SPATA17: variants seen among roughly 807,000 people sequenced by gnomAD.
SPATA17 encodes the protein spermatogenesis associated 17.
SPATA17 carries 53 observed loss-of-function variants against 62.2 expected under a neutral mutation model. That is an observed-to-expected ratio of 0.85 (90% CI 0.68 to 1.07). The LOEUF is 1.07. SPATA17 is among the 50% of genes least tolerant of loss of function. SPATA17 has a pLI of 0.00. For synonymous variants in SPATA17, 146 were observed against 146.8 expected (o/e 0.99, Z 0.04); for missense variants, 466 against 425.5 (o/e 1.10, Z -0.84).
At chr1:217,747,375 G>A (rs78506534) in intron 6 of SPATA17, among the ~76,000 whole-genome samples, 4,337 of 152,070 alleles carry the variant, frequency 0.029, 196 homozygotes, top group African/African-American at 0.095. Context: ...ACCTACTGGT[G>A]GATATATGCA....
chr1:217,712,148 C>T (rs141376399), intron 5 of SPATA17, among the ~76,000 whole-genome samples: 844 of 71,480 alleles, frequency 0.012, 13 homozygotes, highest in African/African-American at 0.045. Flanking sequence ...TTTTTTTTTA[C>T]GGAGTTTCGC....
intron 8 of SPATA17, among the ~76,000 whole-genome samples, chr1:217,800,980 TA>T (rs1674294899): frequency 6.6e-6 from 1 of 152,186 alleles, no homozygotes; most frequent in Non-Finnish European, 1.5e-5. Flanking sequence ...CTGTTGATCA[TA>T]AAAATATCTA....
chr1:217,796,400 G>A (rs961722574), intron 8 of SPATA17, among the ~76,000 whole-genome samples: 3 of 152,010 alleles, frequency 2.0e-5, no homozygotes, highest in Admixed American at 2.0e-4. Context: ...ATAAATCCAG[G>A]GAAATGTATT....
Position 217,669,160 on chromosome 1 carries a change from C to A in SPATA17, c.291+77C>A, listed in dbSNP as rs576978946. On this transcript the variant is annotated intron_variant, in intron 4 of 10. Transcript: ENST00000366933. ...TTCGCTTTTAATAAAATGAGCAAAG[C>A]AGAATAATGCAAATTTGATTGATAT... 22 of 1,243,578 alleles carry A rather than the reference C, an allele frequency of 1.8e-5. No homozygotes were observed. The East Asian group carries it at 4.7e-4, about 27-fold the overall frequency. 77.0% of individuals were successfully genotyped at this position (1,243,578 alleles called of 1,614,324 possible).
At chr1:217,801,399 A>C (rs1407396819) in intron 8 of SPATA17, among the ~76,000 whole-genome samples, 4 of 152,230 alleles carry the variant, frequency 2.6e-5, no homozygotes, top group Non-Finnish European at 5.9e-5. Flanking sequence ...ATTTTCATTT[A>C]TATGATGAAT....
chr1:217,700,016 G>C (rs554998966), intron 5 of SPATA17, among the ~76,000 whole-genome samples: 1 of 152,026 alleles, frequency 6.6e-6, no homozygotes. Context: ...TGTCCTTTTT[G>C]TCTATGTGTC....
At chr1:217,722,534 AGAC>A (rs1672157593) in intron 5 of SPATA17, among the ~76,000 whole-genome samples, 1 of 152,168 alleles carries the variant, frequency 6.6e-6, no homozygotes, top group Non-Finnish European at 1.5e-5. Flanking sequence ...AAATCATACC[AGAC>A]AAGCACTTTT....
intron 7 of SPATA17, among the ~76,000 whole-genome samples, chr1:217,779,808 G>A (rs1558047664): frequency 6.6e-6 from 1 of 151,900 alleles, no homozygotes; most frequent in African/African-American, 2.4e-5. Context: ...TTACTTGCCA[G>A]GTGAATTTTT....
chr1:217,798,026 C>T (rs915114884), intron 8 of SPATA17, among the ~76,000 whole-genome samples: 3 of 152,160 alleles, frequency 2.0e-5, no homozygotes, highest in Non-Finnish European at 2.9e-5. Flanking sequence ...GGAGGCTGCT[C>T]ATAGACTAAC....
At chr1:217,717,392 C>T (rs534686542) in intron 5 of SPATA17, among the ~76,000 whole-genome samples, 1 of 152,080 alleles carries the variant, frequency 6.6e-6, no homozygotes, top group Non-Finnish European at 1.5e-5. Flanking sequence ...GATGGATCAC[C>T]TGAGGTCAGG....
chr1:217,787,828 T>TGTGCAATTATATGTAACC (rs1463734271), intron 8 of SPATA17, among the ~76,000 whole-genome samples: 1 of 152,184 alleles, frequency 6.6e-6, no homozygotes, highest in East Asian at 1.9e-4. Context: ...TGTGCAATTA[T>TGTGCAATTATATGTAACC]ATGTATATTT....
At chr1:217,835,792 G>A (rs1052796276) in intron 9 of SPATA17, among the ~76,000 whole-genome samples, 3 of 152,050 alleles carry the variant, frequency 2.0e-5, no homozygotes, top group Non-Finnish European at 2.9e-5. Flanking sequence ...CACAAAATAT[G>A]CAACTTCTCC....
intron 9 of SPATA17, among the ~76,000 whole-genome samples, chr1:217,843,571 C>A (rs1675460195): frequency 6.6e-6 from 1 of 152,006 alleles, no homozygotes; most frequent in African/African-American, 2.4e-5. Flanking sequence ...TTCATTGTCC[C>A]TCAGTATCAG....
At chr1:217,704,229 C>CATTTTTT (rs1671677329) in intron 5 of SPATA17, among the ~76,000 whole-genome samples, 1 of 53,246 alleles carries the variant, frequency 1.9e-5, no homozygotes, top group Non-Finnish European at 5.2e-5. Context: ...CTTCCCTCTA[C>CATTTTTT]CTTTTTTTTT....
intron 1 of SPATA17, among the ~76,000 whole-genome samples, chr1:217,641,907 T>C (rs1474133856): frequency 6.6e-6 from 1 of 152,216 alleles, no homozygotes; most frequent in Non-Finnish European, 1.5e-5. Context: ...AAGGATCCTG[T>C]TTGTCTTGTC....
intron 5 of SPATA17, among the ~76,000 whole-genome samples, chr1:217,706,893 G>A (rs1671750238): frequency 6.7e-6 from 1 of 148,586 alleles, no homozygotes; most frequent in African/African-American, 2.5e-5. Context: ...TTGAGATGGA[G>A]TCTTGCTCTT....
intron 6 of SPATA17, among the ~76,000 whole-genome samples, chr1:217,749,090 T>C (rs1672837510): frequency 6.6e-6 from 1 of 152,182 alleles, no homozygotes; most frequent in African/African-American, 2.4e-5. Flanking sequence ...CCATATGTCT[T>C]TGTATGTTTG....
intron 9 of SPATA17, among the ~76,000 whole-genome samples, chr1:217,805,151 T>C (rs1487331965): frequency 6.6e-6 from 1 of 152,076 alleles, no homozygotes; most frequent in African/African-American, 2.4e-5. Context: ...GAATGACAAA[T>C]GGATAAAGAA....
At chr1:217,728,444 A>C (rs1031095059) in intron 5 of SPATA17, among the ~76,000 whole-genome samples, 9 of 152,216 alleles carry the variant, frequency 5.9e-5, no homozygotes, top group African/African-American at 2.2e-4. Flanking sequence ...AAGGTTAAGC[A>C]TAAAATAAAA....
Sources: allele counts gnomAD v4.1 joint callset (sites outside exome capture counted in the v4.1 genomes callset), GRCh38; gene constraint gnomAD v4.1.1; transcripts MANE v1.5; gene names NCBI Gene and HGNC (gene_info 2026-07-23, HGNC 2026-07-21).